The following GRM5 variants were observed in gnomAD, a reference collection of about 807,000 sequenced individuals.
GRM5 encodes the protein glutamate metabotropic receptor 5, also known as metabotropic glutamate receptor 5.
GRM5 carries 19 observed loss-of-function variants against 83.1 expected under a neutral mutation model. That is an observed-to-expected ratio of 0.23 (90% CI 0.16 to 0.34). The LOEUF (loss-of-function observed/expected upper bound fraction) is 0.34, where lower values mean the gene tolerates loss of function less well. GRM5 is among the 10% of genes least tolerant of loss of function. The pLI, the probability that GRM5 is intolerant of heterozygous loss-of-function variation, is 1.00. For missense variants in GRM5, 1,160 were observed against 1,588.3 expected, an observed-to-expected ratio of 0.73 and a Z score of 4.58; for synonymous variants, 675 against 633.6, an observed-to-expected ratio of 1.07 and a Z score of -0.98.
intron 2 of GRM5, among the ~76,000 whole-genome samples, chr11:88,974,245 C>T (rs1448697244): frequency 2.7e-4 from 41 of 152,056 alleles, no homozygotes; most frequent in Admixed American, 2.4e-3. Context: ...GAACTATACC[C>T]AACTGTGAGG....
chr11:88,696,856 T>TATCA (rs568594667), intron 3 of GRM5, among the ~76,000 whole-genome samples: 466 of 152,314 alleles, frequency 3.1e-3, no homozygotes, highest in African/African-American at 0.011. Context: ...TTTGATAACT[T>TATCA]ATCACTAAAC....
At chr11:88,866,352 A>G (rs1218657047) in intron 2 of GRM5, among the ~76,000 whole-genome samples, 12 of 152,068 alleles carry the variant, frequency 7.9e-5, no homozygotes, top group Admixed American at 7.9e-4. Flanking sequence ...GAGTTGAACA[A>G]TGAGAACACA....
At chr11:88,947,042 T>C (rs1237041095) in intron 2 of GRM5, among the ~76,000 whole-genome samples, 9 of 152,140 alleles carry the variant, frequency 5.9e-5, no homozygotes, top group Admixed American at 5.9e-4. Flanking sequence ...TTTTTGGCTT[T>C]AAAAATGGAT....
At position 88,509,144 on chromosome 11, in the gene GRM5, C is replaced by T. The variant is rs772464752; in HGVS notation, c.3087G>A (p.Ala1029=). Residue 1029 remains alanine (A), a synonymous_variant, in exon 10 of 10, where the codon GCG becomes GCA. Coordinates refer to ENST00000305447, the MANE Select transcript of GRM5 (RefSeq NM_001143831.3). ...CGTCGTCCGTGCGGCTGGCCGAGCC[C>T]GCGCGGTGGCTCAGCGTGCTGATGG... is the stretch of plus-strand genomic sequence containing the variant. ...PSPISTLSHR[A]GSASRTDDDV... 4.2e-5 allele frequency: 65 copies of T among 1,539,998 alleles called. No homozygotes were observed. The highest frequency in any genetic ancestry group is 5.6e-5 in the Non-Finnish European group (64 of 1,144,174).
intron 3 of GRM5, among the ~76,000 whole-genome samples, chr11:88,825,229 C>CCTTT (rs1555022571): frequency 7.0e-6 from 1 of 143,592 alleles, no homozygotes; most frequent in African/African-American, 2.5e-5. Flanking sequence ...GGATCCTGAA[C>CCTTT]TTTTTTTTTT....
chr11:88,818,542 T>C (rs965014105), intron 3 of GRM5, among the ~76,000 whole-genome samples: 2 of 152,186 alleles, frequency 1.3e-5, no homozygotes, highest in Non-Finnish European at 2.9e-5. Context: ...GTAGGACTGC[T>C]TTGATACTTG....
intron 1 of GRM5, among the ~76,000 whole-genome samples, chr11:89,064,131 T>C (rs527554876): frequency 6.6e-6 from 1 of 152,248 alleles, no homozygotes; most frequent in South Asian, 2.1e-4. Context: ...TTACATTGCA[T>C]TTATGTTTTA....
chr11:88,984,003 C>A (rs527647741), intron 2 of GRM5, among the ~76,000 whole-genome samples: 1 of 152,026 alleles, frequency 6.6e-6, no homozygotes, highest in Non-Finnish European at 1.5e-5. Flanking sequence ...TAATTGTGCA[C>A]AGCTCTTCAA....
intron 2 of GRM5, among the ~76,000 whole-genome samples, chr11:89,004,159 G>A (rs1940462988): frequency 1.3e-5 from 2 of 148,788 alleles, no homozygotes; most frequent in South Asian, 4.1e-4. Context: ...GGTACTAAAT[G>A]CTATGTTTTC....
intron 2 of GRM5, among the ~76,000 whole-genome samples, chr11:88,860,430 C>CG (rs1229253835): frequency 6.6e-6 from 1 of 152,124 alleles, no homozygotes; most frequent in Non-Finnish European, 1.5e-5. Context: ...GTCAATGGGT[C>CG]GGGTGGATCG....
Position 88,701,990 on chromosome 11 carries a change from AGTT to A in GRM5, c.912-48590_912-48588del, listed in dbSNP as rs369060954. Among the ~76,000 whole-genome samples the A allele has an allele frequency of 8.6e-4, 131 of 152,106 alleles. No individual in the cohort carries two copies. In the Middle Eastern group the frequency reaches 0.014, roughly 16 times the overall value. ...CTCTATTCTAACATTAATGCTGGCC[AGTT>A]GTTGTGTCTAAAGTCCAAAAAGGAA... On this transcript the variant is annotated intron_variant, in intron 3 of 9. Coordinates refer to ENST00000305447, the MANE Select transcript of GRM5 (RefSeq NM_001143831.3).
rs576825292 is a variant in GRM5 at position 88,942,238 on chromosome 11, A to G, written c.662-92083T>C. Among the ~76,000 whole-genome samples, 3 of 152,182 alleles carry G rather than the reference A, an allele frequency of 2.0e-5. No individual in the cohort carries two copies. In the South Asian group the frequency reaches 6.2e-4, roughly 32 times the overall value. On this transcript the variant is annotated intron_variant, in intron 2 of 9. Coordinates refer to ENST00000305447, the MANE Select transcript of GRM5 (RefSeq NM_001143831.3). ...TGAAAATATACACATTTTAATATTT[A>G]TTGATGAAATGTCATGACATTTATA...
At chr11:88,982,025 C>T (rs1307341582) in intron 2 of GRM5, among the ~76,000 whole-genome samples, 2 of 152,078 alleles carry the variant, frequency 1.3e-5, no homozygotes, top group Non-Finnish European at 2.9e-5. Context: ...TGTATTGCTC[C>T]AACATGTAAA....
chr11:88,946,578 T>G (rs1671481628), intron 2 of GRM5, among the ~76,000 whole-genome samples: 1 of 152,008 alleles, frequency 6.6e-6, no homozygotes, highest in African/African-American at 2.4e-5. Context: ...AAATCAAATA[T>G]TGCATGTTTT....
intron 1 of GRM5, among the ~76,000 whole-genome samples, chr11:89,050,777 A>G (rs1301032427): frequency 6.6e-6 from 1 of 152,242 alleles, no homozygotes; most frequent in African/African-American, 2.4e-5. Context: ...CTATACAGCC[A>G]TAAAAAATGA....
chr11:88,837,994 A>G (rs1169677201), intron 3 of GRM5, among the ~76,000 whole-genome samples: 1 of 143,512 alleles, frequency 7.0e-6, no homozygotes, highest in Admixed American at 7.3e-5. Flanking sequence ...CTGAGGCAGG[A>G]GAATGTCGTG....
At chr11:88,590,920 G>A (rs1158726823) in intron 6 of GRM5, among the ~76,000 whole-genome samples, 193 bp from the exon 7 acceptor site, 1 of 152,104 alleles carries the variant, frequency 6.6e-6, no homozygotes, top group African/African-American at 2.4e-5. Flanking sequence ...AACAAGTCCA[G>A]CGTCATAAAG....
At position 88,730,229 on chromosome 11, in the gene GRM5, C is replaced by T. The variant is rs190454126; in HGVS notation, c.912-76826G>A. Among the ~76,000 whole-genome samples, 434 of 152,274 alleles carry T rather than the reference C, an allele frequency of 2.9e-3. 1 individual carries two copies. The highest frequency in any genetic ancestry group is 1.0e-2 in the African/African-American group (414 of 41,572). On this transcript the variant is annotated intron_variant, in intron 3 of 9. Transcript: ENST00000305447. ...AAAGTGGGTGAAGGATATGAACAGACACTTCTCAAAAGACATTTATGCGGC... is the reference window on the plus strand; with the variant it reads ...AAAGTGGGTGAAGGATATGAACAGATACTTCTCAAAAGACATTTATGCGGC...
intron 4 of GRM5, among the ~76,000 whole-genome samples, chr11:88,637,908 A>C (rs1939181242): frequency 6.6e-6 from 1 of 151,184 alleles, no homozygotes; most frequent in African/African-American, 2.4e-5. Flanking sequence ...ACCAACCCAA[A>C]TGTCCAACAA....
Sources: allele counts gnomAD v4.1 joint callset (sites outside exome capture counted in the v4.1 genomes callset), GRCh38; gene constraint gnomAD v4.1.1; transcripts MANE v1.5; gene names NCBI Gene and HGNC (gene_info 2026-07-23, HGNC 2026-07-21).